Variants in PLEC observed in about 807,000 individuals in gnomAD.
PLEC encodes hemidesmosomal protein 1.
PLEC carries 216 observed loss-of-function variants against 392.8 expected under a neutral mutation model. The ratio of observed to expected loss-of-function variants is 0.55; its 90% CI spans 0.49 to 0.62. PLEC has a LOEUF of 0.62. Ranked by LOEUF, PLEC falls within the 20% of genes least tolerant of loss-of-function variation. The pLI, the probability that PLEC is intolerant of heterozygous loss-of-function variation, is 0.00. For missense variants in PLEC, 6,863 were observed against 6,563.4 expected (o/e 1.05, Z -1.58); for synonymous variants, 3,621 against 2,980.6 (o/e 1.21, Z -7.00).
rs550856659 is a variant in PLEC, at chr8:143,921,290, G to T, written c.8531C>A (p.Ala2844Glu). 2.5e-6 allele frequency: 4 copies of T among 1,614,020 alleles called. No individual in the cohort carries two copies. The highest frequency in any genetic ancestry group is 3.4e-6 in the Non-Finnish European group (4 of 1,180,036). Residue 2844 changes from alanine to glutamate, a missense_variant, in exon 32 of 32, where the codon GCG becomes GAG. Coordinates refer to ENST00000345136, the MANE Select transcript of PLEC (RefSeq NM_201384.3). ...YFDEEMNRVLADPSDDTKGFF... is the reference protein window; with the variant it reads ...YFDEEMNRVLEDPSDDTKGFF... ...GCCCTTGGTGTCGTCGCTGGGGTCCGCCAGGACGCGGTTCATCTCCTCGTC... is the reference window on the plus strand; with the variant it reads ...GCCCTTGGTGTCGTCGCTGGGGTCCTCCAGGACGCGGTTCATCTCCTCGTC...
upstream of PLEC, among the ~76,000 whole-genome samples, chr8:143,952,235 C>CACGCCT (rs1220312592): frequency 2.6e-5 from 4 of 152,136 alleles, no homozygotes; most frequent in Non-Finnish European, 4.4e-5. Context: ...CGCGCACGCG[C>CACGCCT]ACGCCTGCGT....
rs781899133 is a variant in PLEC, at chr8:143,923,197, C to T, written c.6732G>A (p.Lys2244=). The T allele has an allele frequency of 5.0e-6, 8 of 1,602,664 alleles. No individual in the cohort carries two copies. In the South Asian group the frequency reaches 7.7e-5, roughly 15 times the overall value. Residue 2244 remains lysine (K), a synonymous_variant, in exon 31 of 32, where the codon AAG becomes AAA. Coordinates refer to ENST00000345136, the MANE Select transcript of PLEC (RefSeq NM_201384.3). ...CGCGGTTCTCAGCCTCGATGCGTGC[C>T]TTGAGCTTGCTCAGCTCCTCCATCT... ...RVQMEELSKL[K]ARIEAENRAL... is the part of the protein sequence containing the mutation.
In PLEC at chr8:143,921,834, T is replaced by G; in HGVS notation, c.7987A>C (p.Ile2663Leu). The change falls in exon 32 of 32, where the codon ATC becomes CTC. Residue 2663 changes from isoleucine to leucine, a missense_variant. Coordinates refer to ENST00000345136, the MANE Select transcript of PLEC (RefSeq NM_201384.3). ...VSAQRLQEAG[I>L]LSAEELQRLA... The stretch of plus-strand genomic sequence containing the variant: ...CGCTGCAGCTCCTCCGCACTCAGGA[T>G]GCCGGCCTCCTGCAGCCTCTGAGCT... The G allele has an allele frequency of 6.2e-7, 1 of 1,606,548 alleles. No individual in the cohort carries two copies. The highest frequency in any genetic ancestry group is 8.5e-7 in the Non-Finnish European group (1 of 1,179,744).
chr8:143,923,535 G>C lies in PLEC; in HGVS notation c.6394C>G (p.Gln2132Glu). Reference sequence around the variant, plus strand: ...TTGCGCAGCTTCTCTGCAGCCGCCTGTGCCTGAGCCCGGGCCTGTGCCTGC... The same window carrying C: ...TTGCGCAGCTTCTCTGCAGCCGCCTCTGCCTGAGCCCGGGCCTGTGCCTGC... ...EEQAQARAQA[Q>E]AAAEKLRKEA... The change falls in exon 31 of 32, where the codon CAG becomes GAG. Residue 2132 changes from glutamine to glutamate, a missense_variant. Gln to Glu is a conservative substitution (Grantham distance 29). Coordinates refer to ENST00000345136, the MANE Select transcript of PLEC (RefSeq NM_201384.3). 6.3e-7 allele frequency: 1 copy of C among 1,598,926 alleles called. No homozygotes were observed. The highest frequency in any genetic ancestry group is 1.3e-5 in the African/African-American group (1 of 74,552).
intron 1 of PLEC, chr8:143,944,608 G>T: frequency 8.0e-7 from 1 of 1,247,484 alleles, no homozygotes; most frequent in Non-Finnish European, 1.1e-6. Context: ...CCCAGCAAGG[G>T]GCCAGGATTT....
Position 143,917,488 on chromosome 8 carries a change from G to A in PLEC, c.12333C>T (p.Asp4111=). The A allele has an allele frequency of 6.2e-7, 1 of 1,613,866 alleles. No individual in the cohort carries two copies. Among genetic ancestry groups the A allele is most frequent in the Non-Finnish European group, 8.5e-7 (1 of 1,180,028 alleles). ...GCAAGAGACACAGGCCCGTCTGGGG[G>A]TCAGTGATACAACGCTCCATCAGCT... ...YLQLMERCIT[D]PQTGLCLLPL... Residue 4111 remains aspartate, a synonymous_variant, in exon 32 of 32, where the codon GAC becomes GAT. Transcript: ENST00000345136.
At chr8:143,964,475 C>T (rs782283785) in intron 1 of PLEC, among the ~76,000 whole-genome samples, 3 of 152,114 alleles carry the variant, frequency 2.0e-5, no homozygotes, top group South Asian at 2.1e-4. Flanking sequence ...TGGAGTGATG[C>T]GGCCACGAGC....
chr8:143,939,665 C>T, upstream of PLEC: 1 of 1,405,056 alleles, frequency 7.1e-7, no homozygotes, highest in Non-Finnish European at 9.2e-7. Flanking sequence ...AGGCCCCACC[C>T]TGCCCAGGCC....
chr8:143,936,053 C>A (rs782179494), intron 5 of PLEC, 39 bp from the exon 6 acceptor site: 2 of 1,605,572 alleles, frequency 1.2e-6, no homozygotes, highest in Non-Finnish European at 1.7e-6. Flanking sequence ...TCAGCCACAG[C>A]CACCAGGCCT....
Position 143,920,871 on chromosome 8 carries a change from C to A in PLEC, c.8950G>T (p.Ala2984Ser). Residue 2984 changes from alanine to serine, a missense_variant, in exon 32 of 32, where the codon GCC becomes TCC. Transcript: ENST00000345136. ...ATGACCCTGCTCTCCAGCAGCTCGG[C>A]GGCTGGCACCAGGCTGCGCAGGCCC... ...FEGLRSLVPA[A>S]ELLESRVIDR... is the part of the protein sequence containing the mutation. The A allele has an allele frequency of 6.2e-7, 1 of 1,610,590 alleles. No homozygotes were observed. The highest frequency in any genetic ancestry group is 1.1e-5 in the South Asian group (1 of 91,054).
intron 30 of PLEC, 95 bp from the exon 31 acceptor site, chr8:143,925,979 C>A: frequency 7.4e-7 from 1 of 1,343,766 alleles, no homozygotes; most frequent in South Asian, 1.3e-5. Flanking sequence ...ACTCAGACAG[C>A]GCGGAGCAGG....
At chr8:143,959,139 G>A (rs1388470926) in intron 1 of PLEC, among the ~76,000 whole-genome samples, 14 of 152,352 alleles carry the variant, frequency 9.2e-5, no homozygotes, top group South Asian at 4.1e-4. Context: ...GGGTGAATGC[G>A]GACGGTGCAG....
At chr8:143,936,082 C>T in intron 5 of PLEC, 68 bp from the exon 6 acceptor site, 1 of 1,560,990 alleles carries the variant, frequency 6.4e-7, no homozygotes, top group Non-Finnish European at 8.8e-7. Context: ...CCCACAGCCA[C>T]ATGCACAGGG....
rs782468518 is a variant in PLEC at position 143,930,176 on chromosome 8, C to G, written c.2580G>C (p.Pro860=). ...AVPSVCFLVP[P]PNQEAQEAVT... is the part of the protein sequence containing the mutation. Reference sequence around the variant, plus strand: ...CGGCCTCCTGGGCCTCCTGGTTGGGCGGGGGCACCAGGAAGCACACGGAGG... The same window carrying G: ...CGGCCTCCTGGGCCTCCTGGTTGGGGGGGGGCACCAGGAAGCACACGGAGG... Residue 860 remains proline, a synonymous_variant, in exon 21 of 32, where the codon CCG becomes CCC. Coordinates refer to ENST00000345136, the MANE Select transcript of PLEC (RefSeq NM_201384.3). 1 of 1,580,802 alleles carries G rather than the reference C, an allele frequency of 6.3e-7. No homozygotes were observed. The highest frequency in any genetic ancestry group is 8.6e-7 in the Non-Finnish European group (1 of 1,169,550).
chr8:143,917,411 C>T lies in PLEC; in HGVS notation c.12410G>A (p.Arg4137His), dbSNP rs781988786. The change falls in exon 32 of 32, where the codon CGC (arginine) becomes CAC (histidine). Residue 4137 changes from arginine (R) to histidine (H), a missense_variant. Arg to His is a conservative substitution (Grantham distance 29). Transcript: ENST00000345136. ...ERKTSSKSSV[R>H]KRRVVIVDPE... ...GTCCACGATGACCACTCGGCGCTTG[C>T]GCACGGAGGACTTGGAGGACGTCTT... 3 of 1,612,754 alleles carry T rather than the reference C, an allele frequency of 1.9e-6. No individual in the cohort carries two copies. The highest frequency in any genetic ancestry group is 1.1e-5 in the South Asian group (1 of 91,078).
At position 143,969,473 on chromosome 8, in the gene PLEC, C is replaced by T. The variant is rs1833301962; in HGVS notation, c.70+3930G>A. 6.6e-6 allele frequency among the ~76,000 whole-genome samples: 1 copy of T among 152,328 alleles called. No homozygotes were observed. Among genetic ancestry groups the T allele is most frequent in the East Asian group, 1.9e-4 (1 of 5,190 alleles). On this transcript the variant is annotated intron_variant, in intron 1 of 31. Coordinates refer to the PLEC transcript ENST00000356346. The surrounding 1 kb of genome is among the most constrained non-coding windows in gnomAD (Gnocchi z 5.1). ...CCAGCTGCCAAGAGGTGTCCAGTCG[C>T]CCAGCCCCCCAAGCCTGGCCTGTGA...
Position 143,917,574 on chromosome 8 carries a change from G to T in PLEC, c.12247C>A (p.Pro4083Thr). Residue 4083 changes from proline to threonine, a missense_variant, in exon 32 of 32, where the codon CCC becomes ACC. Pro to Thr is a conservative substitution (Grantham distance 38, BLOSUM62 -1). Transcript: ENST00000345136. The stretch of plus-strand genomic sequence containing the variant: ...AAGAAGCCCTTGGTGTCGTCCGAGG[G>T]GTCGGTCAGGATCTCGTTCATCTCC... ...DEEMNEILTD[P>T]SDDTKGFFDP... 6.2e-7 allele frequency: 1 copy of T among 1,613,912 alleles called. No homozygotes were observed. Among genetic ancestry groups the T allele is most frequent in the Non-Finnish European group, 8.5e-7 (1 of 1,180,020 alleles).
chr8:143,962,254 G>A (rs1421178184), intron 1 of PLEC, among the ~76,000 whole-genome samples: 4 of 152,240 alleles, frequency 2.6e-5, no homozygotes, highest in African/African-American at 7.2e-5. Flanking sequence ...CACAGAGGCA[G>A]GGATTGGCAT....
At chr8:143,939,182 G>A (rs539275606) in intron 1 of PLEC, among the ~76,000 whole-genome samples, 168 bp downstream of exon 1, 10 of 152,300 alleles carry the variant, frequency 6.6e-5, no homozygotes, top group Non-Finnish European at 7.4e-5. Flanking sequence ...TCAGCCTCGC[G>A]GGCGCCTGTC....
Sources: gnomAD v4.1 joint callset for allele counts (sites outside exome capture counted in the v4.1 genomes callset) on GRCh38, gnomAD v4.1.1 for gene constraint, Gnocchi (gnomAD v3.1) non-coding constraint, MANE v1.5 for transcripts, NCBI Gene and HGNC (gene_info 2026-07-23, HGNC 2026-07-21) for gene names.